Variants in NDUFAF6 observed in about 807,000 individuals in gnomAD.
NDUFAF6 encodes the protein NADH:ubiquinone oxidoreductase complex assembly factor 6.
A neutral mutation model predicts 40.8 loss-of-function variants in NDUFAF6; 45 were observed. The ratio of observed to expected loss-of-function variants is 1.10; its 90% CI spans 0.87 to 1.42. The LOEUF is 1.42. Among genes scored for constraint, NDUFAF6 ranks in the 40% most tolerant of loss-of-function variants. NDUFAF6 has a pLI of 0.00. For synonymous variants in NDUFAF6, 185 were observed against 155.9 expected, an observed-to-expected ratio of 1.19 and a Z score of -1.39; for missense variants, 435 against 418.5, an observed-to-expected ratio of 1.04 and a Z score of -0.34.
intron 1 of NDUFAF6, chr8:94,929,182 C>T (rs1193496121): frequency 6.6e-6 from 1 of 152,572 alleles, no homozygotes; most frequent in Non-Finnish European, 1.5e-5. Flanking sequence ...GGCCCCACCC[C>T]ATCACCAGAT....
intron 1 of NDUFAF6, among the ~76,000 whole-genome samples, chr8:94,916,092 G>T (rs565154077): frequency 6.6e-6 from 1 of 152,292 alleles, no homozygotes; most frequent in African/African-American, 2.4e-5. Flanking sequence ...TGTACTTTAG[G>T]CAGTGAGGCA....
chr8:95,023,926 G>A (rs1827811541), upstream of NDUFAF6, among the ~76,000 whole-genome samples: 1 of 151,726 alleles, frequency 6.6e-6, no homozygotes, highest in Non-Finnish European at 1.5e-5. Flanking sequence ...GGGAGGCGGA[G>A]GTTGCAGTGA....
chr8:95,112,650 A>G (rs1810030192), intron 4 of NDUFAF6, among the ~76,000 whole-genome samples: 3 of 152,194 alleles, frequency 2.0e-5, no homozygotes, highest in African/African-American at 7.2e-5. Context: ...ACCATAAACC[A>G]TTAAGATCCT....
upstream of NDUFAF6, among the ~76,000 whole-genome samples, chr8:94,954,393 A>G (rs1198211096): frequency 6.6e-6 from 1 of 152,194 alleles, no homozygotes; most frequent in Non-Finnish European, 1.5e-5. Flanking sequence ...CACTTACTCT[A>G]TGCCAGGCAC....
chr8:95,076,873 C>CAAAAAAA (rs35168202), downstream of NDUFAF6, among the ~76,000 whole-genome samples: 2 of 128,996 alleles, frequency 1.6e-5, no homozygotes, highest in South Asian at 2.5e-4. Flanking sequence ...AACTCCGTCT[C>CAAAAAAA]AAAAAAAAAA....
chr8:95,006,354 TCA>T (rs1491506164), intron 2 of NDUFAF6, among the ~76,000 whole-genome samples: 1 of 7,852 alleles, frequency 1.3e-4, no homozygotes, highest in Non-Finnish European at 2.6e-4. Context: ...AGACTCCGTC[TCA>T]AAAAAAAAAA....
chr8:94,993,321 A>G (rs1316137309), intron 2 of NDUFAF6, among the ~76,000 whole-genome samples: 1 of 152,216 alleles, frequency 6.6e-6, no homozygotes, highest in Non-Finnish European at 1.5e-5. Flanking sequence ...GGACTTCAAC[A>G]TATGTGTTGG....
chr8:94,990,381 T>G (rs1051932816), intron 2 of NDUFAF6, among the ~76,000 whole-genome samples: 1 of 152,232 alleles, frequency 6.6e-6, no homozygotes, highest in Admixed American at 6.5e-5. Flanking sequence ...CTTGTGAGTT[T>G]GGGACCAAAT....
intron 2 of NDUFAF6, among the ~76,000 whole-genome samples, chr8:94,946,201 T>C (rs1821973075): frequency 6.6e-6 from 1 of 152,106 alleles, no homozygotes; most frequent in African/African-American, 2.4e-5. Context: ...TAACATTTTA[T>C]CATCAATGGT....
chr8:95,069,092 C>T (rs1832768902), intron 9 of NDUFAF6: 1 of 151,852 alleles, frequency 6.6e-6, no homozygotes, highest in African/African-American at 2.4e-5. Flanking sequence ...CTTCATTGTG[C>T]ACAGTCTCAT....
At chr8:94,978,707 C>T (rs1048798483) in intron 1 of NDUFAF6, among the ~76,000 whole-genome samples, 2 of 151,512 alleles carry the variant, frequency 1.3e-5, no homozygotes, top group African/African-American at 4.9e-5. Context: ...AAGCAAGACC[C>T]TGTCTCAAAA....
chr8:95,015,480 A>G (rs899670317), intron 2 of NDUFAF6, among the ~76,000 whole-genome samples: 25 of 152,212 alleles, frequency 1.6e-4, no homozygotes, highest in African/African-American at 6.0e-4. Flanking sequence ...TACCCAGGGA[A>G]CAATACCTAA....
chr8:94,942,572 T>C (rs1458287315), intron 1 of NDUFAF6, among the ~76,000 whole-genome samples: 2 of 152,220 alleles, frequency 1.3e-5, no homozygotes, highest in African/African-American at 4.8e-5. Flanking sequence ...TCAGTCCAGG[T>C]CAACTATTAT....
chr8:94,913,692 G>A (rs534248350), intron 1 of NDUFAF6, among the ~76,000 whole-genome samples: 39 of 152,276 alleles, frequency 2.6e-4, no homozygotes, highest in Non-Finnish European at 2.1e-4. Flanking sequence ...CCAGCTACTC[G>A]GGAGGCTAAG....
upstream of NDUFAF6, among the ~76,000 whole-genome samples, chr8:95,022,684 T>C (rs931804484): frequency 1.3e-5 from 2 of 151,556 alleles, no homozygotes; most frequent in African/African-American, 4.8e-5. Flanking sequence ...TTTTAACACA[T>C]TTAAAATGGG....
chr8:95,060,909 G>A (rs1222869526), downstream of NDUFAF6, among the ~76,000 whole-genome samples: 1 of 152,168 alleles, frequency 6.6e-6, no homozygotes, highest in African/African-American at 2.4e-5. Context: ...AATCGAAATA[G>A]GTGTTAGGTG....
At chr8:95,004,978 G>T (rs557984270) in intron 2 of NDUFAF6, among the ~76,000 whole-genome samples, 1 of 152,260 alleles carries the variant, frequency 6.6e-6, no homozygotes, top group South Asian at 2.1e-4. Context: ...CCCAAGTAAG[G>T]GGGGAGTCAG....
chr8:95,062,574 TC>T (rs1190555303), downstream of NDUFAF6, among the ~76,000 whole-genome samples: 1 of 152,206 alleles, frequency 6.6e-6, no homozygotes. Context: ...ACTCAAACAT[TC>T]ATGTTACTTG....
At chr8:95,117,407 A>G (rs559972603), downstream of NDUFAF6, among the ~76,000 whole-genome samples, 5 of 152,334 alleles carry the variant, frequency 3.3e-5, no homozygotes, top group East Asian at 9.6e-4. Flanking sequence ...ATCCACAGAA[A>G]GCTCTCCAGG....
Sources: gnomAD v4.1 joint callset for allele counts (sites outside exome capture counted in the v4.1 genomes callset) on GRCh38, gnomAD v4.1.1 for gene constraint, MANE v1.5 for transcripts, NCBI Gene and HGNC (gene_info 2026-07-23, HGNC 2026-07-21) for gene names.